The following LIMD1 variants were observed in gnomAD, a reference collection of about 807,000 sequenced individuals.
LIMD1 encodes the protein LIM domain-containing protein 1.
A neutral mutation model predicts 58.4 loss-of-function variants in LIMD1; 23 were observed. The ratio of observed to expected loss-of-function variants is 0.39; its 90% CI spans 0.28 to 0.56. The LOEUF is 0.56. LIMD1 is among the 20% of genes least tolerant of loss of function. The pLI is 0.57. For missense variants in LIMD1, 838 were observed against 855.5 expected (o/e 0.98, Z 0.25); for synonymous variants, 334 against 345.5 (o/e 0.97, Z 0.37).
chr3:45,601,476 C>T (rs906089266), intron 1 of LIMD1, among the ~76,000 whole-genome samples: 3 of 152,220 alleles, frequency 2.0e-5, no homozygotes, highest in Non-Finnish European at 2.9e-5. Flanking sequence ...CTCCCCTGTC[C>T]TCGCCTTCAT....
chr3:45,642,708 C>T (rs943215413), intron 2 of LIMD1, among the ~76,000 whole-genome samples: 3 of 152,156 alleles, frequency 2.0e-5, no homozygotes, highest in Non-Finnish European at 4.4e-5. Flanking sequence ...CAGTTAATGG[C>T]TGGTTTGCAG....
At chr3:45,646,744 G>A (rs1701911848) in intron 2 of LIMD1, among the ~76,000 whole-genome samples, 1 of 148,694 alleles carries the variant, frequency 6.7e-6, no homozygotes, top group Non-Finnish European at 1.5e-5. Flanking sequence ...CTGGAGTGCA[G>A]TGCTGCATTA....
At chr3:45,649,721 TA>T (rs1297334378) in intron 2 of LIMD1, among the ~76,000 whole-genome samples, 1 of 145,194 alleles carries the variant, frequency 6.9e-6, no homozygotes, top group Non-Finnish European at 1.5e-5. Flanking sequence ...TATATATATA[TA>T]AAATTATATA....
intron 1 of LIMD1, among the ~76,000 whole-genome samples, chr3:45,607,338 A>C (rs556336691): frequency 3.4e-4 from 51 of 152,202 alleles, no homozygotes; most frequent in African/African-American, 9.9e-4. Context: ...TGAGTGTTTC[A>C]AAGGGAGTTC....
chr3:45,643,341 C>T (rs1052616762), intron 2 of LIMD1, among the ~76,000 whole-genome samples: 5 of 151,928 alleles, frequency 3.3e-5, no homozygotes, highest in African/African-American at 4.8e-5. Flanking sequence ...AAAAATTAAC[C>T]GCATGTGGTG....
chr3:45,665,880 A>T (rs9827350), intron 3 of LIMD1, among the ~76,000 whole-genome samples, 163 bp downstream of exon 3: 3,569 of 152,206 alleles, frequency 0.023, 138 homozygotes, highest in African/African-American at 0.08. Context: ...CCTGAGGCCA[A>T]TGGCAAACCA....
chr3:45,638,268 GC>G (rs1205102597), intron 2 of LIMD1, among the ~76,000 whole-genome samples: 116 of 151,950 alleles, frequency 7.6e-4, no homozygotes, highest in African/African-American at 2.5e-3. Context: ...TTGTGTTTAG[GC>G]CCCCCTTTAT....
chr3:45,668,860 A>T (rs1218195179), intron 4 of LIMD1, among the ~76,000 whole-genome samples: 2 of 152,022 alleles, frequency 1.3e-5, no homozygotes, highest in East Asian at 3.8e-4. Context: ...AGCACACGCT[A>T]TCATGTTTCC....
intron 1 of LIMD1, among the ~76,000 whole-genome samples, chr3:45,607,328 T>C (rs1298892461): frequency 4.6e-5 from 7 of 152,102 alleles, no homozygotes; most frequent in Middle Eastern, 3.2e-3. Flanking sequence ...ACTTTCTGCT[T>C]GAGTGTTTCA....
intron 1 of LIMD1, among the ~76,000 whole-genome samples, chr3:45,628,403 C>T (rs930684506): frequency 6.6e-6 from 1 of 152,210 alleles, no homozygotes; most frequent in Non-Finnish European, 1.5e-5. Context: ...AAAAGATGCT[C>T]ACACACAACA....
chr3:45,639,963 A>G (rs896319228), intron 2 of LIMD1, among the ~76,000 whole-genome samples: 1 of 152,186 alleles, frequency 6.6e-6, no homozygotes, highest in Admixed American at 6.5e-5. Flanking sequence ...ATGCCCGGCC[A>G]GAGGTTAGGA....
rs376925688 is a variant in LIMD1, at chr3:45,595,145, G to A, written c.266G>A (p.Arg89His). Residue 89 changes from arginine to histidine, a missense_variant, in exon 1 of 8, where the codon CGT (arginine) becomes CAT (histidine). Arg to His is a conservative substitution (Grantham distance 29, BLOSUM62 0). Coordinates refer to ENST00000273317, the MANE Select transcript of LIMD1 (RefSeq NM_014240.3). ...GGGGGCCGCCTGGGCCCACAGGCCC[G>A]TTGGGAAGTTGTGGGCAGCAAGCTG... The part of the protein sequence containing the change: ...NGGGRLGPQA[R>H]WEVVGSKLTV... 3.9e-5 allele frequency: 62 copies of A among 1,605,088 alleles called. No individual in the cohort carries two copies. In the African/African-American group the frequency reaches 4.1e-4, roughly 11 times the overall value.
At chr3:45,673,197 A>G (rs953838875) in intron 5 of LIMD1, among the ~76,000 whole-genome samples, 1 of 152,178 alleles carries the variant, frequency 6.6e-6, no homozygotes, top group Non-Finnish European at 1.5e-5. Context: ...TGTGCTAGGC[A>G]CCATGAGAGG....
intron 2 of LIMD1, among the ~76,000 whole-genome samples, chr3:45,657,025 T>A (rs907907371): frequency 2.0e-5 from 3 of 152,174 alleles, no homozygotes; most frequent in African/African-American, 7.2e-5. Context: ...TGCTCTTGAT[T>A]GGAACTTTCA....
At chr3:45,615,584 A>G (rs749574984) in intron 1 of LIMD1, among the ~76,000 whole-genome samples, 1 of 152,004 alleles carries the variant, frequency 6.6e-6, no homozygotes, top group Admixed American at 6.6e-5. Context: ...GCAAAACCCC[A>G]TCTCTACTAA....
Position 45,677,347 on chromosome 3 carries a change from A to G in LIMD1, c.*288A>G. On this transcript the variant is annotated 3_prime_UTR_variant, in exon 8 of 8. Transcript: ENST00000273317. ...GACCTGAGGTTGCATCATAGCACCAAAGGAATCCTCCTGTCCCCTCTGGGA... is the reference window on the plus strand; with the variant it reads ...GACCTGAGGTTGCATCATAGCACCAGAGGAATCCTCCTGTCCCCTCTGGGA... 1 of 336,966 alleles carries G rather than the reference A, an allele frequency of 3.0e-6. No individual in the cohort carries two copies. Among genetic ancestry groups the G allele is most frequent in the South Asian group, 3.7e-5 (1 of 27,014 alleles). 20.9% of individuals were successfully genotyped at this position (336,966 alleles called of 1,614,324 possible).
intron 1 of LIMD1, among the ~76,000 whole-genome samples, chr3:45,609,836 TG>T (rs1164702854): frequency 6.6e-6 from 1 of 152,206 alleles, no homozygotes; most frequent in Non-Finnish European, 1.5e-5. Flanking sequence ...TTGTCTGTTT[TG>T]TTCACTGTTG....
intron 1 of LIMD1, among the ~76,000 whole-genome samples, chr3:45,627,808 T>G (rs1440400191): frequency 6.7e-6 from 1 of 150,268 alleles, no homozygotes; most frequent in East Asian, 2.0e-4. Flanking sequence ...AGGAGTTCGA[T>G]ACCAGCCTGG....
In LIMD1 at chr3:45,668,313, C is replaced by T. The variant is rs878947534; in HGVS notation, c.1598C>T (p.Ser533Leu). The T allele has an allele frequency of 2.5e-6, 4 of 1,612,536 alleles. No homozygotes were observed. The highest frequency in any genetic ancestry group is 2.5e-6 in the Non-Finnish European group (3 of 1,179,118). ...CTGCAGTACTCTGGTTTCCAGCAGT[C>T]GGCTGACAGGTGTTTTCTTTGTGGA... ...EDFLYSGFQQ[S>L]ADRCFLCGHL... Residue 533 changes from serine to leucine, a missense_variant, in exon 4 of 8, where the codon TCG (serine) becomes TTG (leucine). By Grantham distance (145) the Ser-to-Leu change is moderately radical. Around this residue, in one of 3 missense-constraint regions of LIMD1, gnomAD observed 174 missense variants for 197.4 expected, o/e 0.88. Coordinates refer to ENST00000273317, the MANE Select transcript of LIMD1 (RefSeq NM_014240.3).
Sources: allele counts gnomAD v4.1 joint callset (sites outside exome capture counted in the v4.1 genomes callset), GRCh38; gene constraint gnomAD v4.1.1; regional missense constraint gnomAD v4.1.1; transcripts MANE v1.5; gene names NCBI Gene and HGNC (gene_info 2026-07-23, HGNC 2026-07-21).